Variants in PDE8A observed in about 807,000 individuals in gnomAD.
The protein encoded by PDE8A is phosphodiesterase 8A, also known as high affinity cAMP-specific and IBMX-insensitive 3',5'-cyclic phosphodiesterase 8A.
PDE8A carries 59 observed loss-of-function variants against 105.0 expected under a neutral mutation model. That is an observed-to-expected ratio of 0.56 (90% CI 0.46 to 0.70). The LOEUF (loss-of-function observed/expected upper bound fraction) is 0.70, where lower values mean the gene tolerates loss of function less well. PDE8A is among the 30% of genes least tolerant of loss of function. The probability of loss-of-function intolerance (pLI) is 0.00; values close to 1 mark genes in which losing one functional copy is unlikely to be tolerated. For synonymous variants in PDE8A, 355 were observed against 371.9 expected (o/e 0.95, Z 0.52); for missense variants, 1,014 against 1,045.9 (o/e 0.97, Z 0.42).
Position 85,126,195 on chromosome 15 carries a change from C to G in PDE8A, c.2086-12C>G. ...TCCATTTTGATTGCTTTGAATTCCA[C>G]TCATGTTTCAGGAAACTGATAAAAA... On this transcript the variant is annotated splice_polypyrimidine_tract_variant and intron_variant, in intron 19 of 21. Transcript: ENST00000394553. 6.3e-7 allele frequency: 1 copy of G among 1,598,490 alleles called. No individual in the cohort carries two copies. Among genetic ancestry groups the G allele is most frequent in the Non-Finnish European group, 8.5e-7 (1 of 1,170,570 alleles).
chr15:84,987,487 T>TTTTA (rs869129017), intron 1 of PDE8A, among the ~76,000 whole-genome samples: 1 of 149,662 alleles, frequency 6.7e-6, no homozygotes, highest in African/African-American at 2.5e-5. Context: ...TTTTTTTTTT[T>TTTTA]AAAGACAGTT....
At chr15:85,077,573 T>A (rs1234982774) in intron 5 of PDE8A, among the ~76,000 whole-genome samples, 1 of 152,136 alleles carries the variant, frequency 6.6e-6, no homozygotes, top group Middle Eastern at 3.2e-3. Context: ...AGGATCTCCA[T>A]AAATAATTGC....
rs1555461934 is a variant in PDE8A, at chr15:84,982,162, C to T, written c.-1C>T. On this transcript the variant is annotated 5_prime_UTR_variant, in exon 1 of 22. Transcript: ENST00000394553. ...AGCGTGTCCGCGGCGCCGCCGCCAG[C>T]ATGGGCTGTGCCCCGAGCATCCACA... is the stretch of plus-strand genomic sequence containing the variant. 1 of 1,410,536 alleles carries T rather than the reference C, an allele frequency of 7.1e-7. No homozygotes were observed. Among genetic ancestry groups the T allele is most frequent in the Non-Finnish European group, 9.2e-7 (1 of 1,085,674 alleles). 87.4% of individuals were successfully genotyped at this position (1,410,536 alleles called of 1,614,324 possible). A position where few individuals can be genotyped will look rare whatever the true frequency, so the allele number is the denominator to read the frequency against.
At chr15:85,081,558 G>A (rs748031318) in intron 5 of PDE8A, among the ~76,000 whole-genome samples, 2 of 152,132 alleles carry the variant, frequency 1.3e-5, no homozygotes, top group Non-Finnish European at 2.9e-5. Context: ...AGCCCCTTTC[G>A]TGGAAGAAGG....
In PDE8A at chr15:85,126,956, T is replaced by C. The variant is rs544024583; in HGVS notation, c.2253+582T>C. Among the ~76,000 whole-genome samples, 144 of 152,314 alleles carry C rather than the reference T, an allele frequency of 9.5e-4. 1 individual carries two copies. The highest frequency in any genetic ancestry group is 3.3e-3 in the African/African-American group (139 of 41,548). On this transcript the variant is annotated intron_variant, in intron 20 of 21. Transcript: ENST00000394553. ...AGACACGGGAACATCTTTAAAGTGC[T>C]GTTAGCTTTGGGAGGATCACTTGAG...
chr15:85,104,372 G>A (rs945964670), intron 11 of PDE8A, among the ~76,000 whole-genome samples: 91 of 152,268 alleles, frequency 6.0e-4, no homozygotes, highest in African/African-American at 2.0e-3. Flanking sequence ...AAGGCATCGC[G>A]AAGCGAGGCT....
chr15:85,123,921 C>T (rs1050057360), intron 19 of PDE8A, among the ~76,000 whole-genome samples: 1 of 152,162 alleles, frequency 6.6e-6, no homozygotes, highest in Non-Finnish European at 1.5e-5. Context: ...ATTCCTGCAC[C>T]CTTCCTCACT....
rs901517393 is a variant in PDE8A, at chr15:85,038,251, G to T, written c.187-26119G>T. 4.2e-4 allele frequency among the ~76,000 whole-genome samples: 62 copies of T among 149,020 alleles called. 1 individual carries two copies. Among genetic ancestry groups the T allele is most frequent in the Non-Finnish European group, 7.4e-4 (50 of 67,344 alleles). On this transcript the variant is annotated intron_variant, in intron 1 of 21. Transcript: ENST00000394553. Reference sequence around the variant, plus strand: ...TGTGTGTGTGTGTGTGTGTGTGTGTGTGTTTTACTAATCTGCAGGCATTCT... The same window carrying T: ...TGTGTGTGTGTGTGTGTGTGTGTGTTTGTTTTACTAATCTGCAGGCATTCT...
Position 84,990,420 on chromosome 15 carries a change from C to G in PDE8A, c.186+8072C>G, listed in dbSNP as rs533864847. On this transcript the variant is annotated intron_variant, in intron 1 of 21. Transcript: ENST00000394553. ...CCCCCAGCCACCAGCAACCACTGTT[C>G]TGAATTTTTTCCATTATAAATTATT... Among the ~76,000 whole-genome samples the G allele has an allele frequency of 2.0e-5, 3 of 152,232 alleles. No homozygotes were observed. The South Asian group carries it at 6.2e-4, about 32-fold the overall frequency.
At chr15:85,101,693 T>G (rs1170016373) in intron 11 of PDE8A, among the ~76,000 whole-genome samples, 1 of 152,062 alleles carries the variant, frequency 6.6e-6, no homozygotes, top group African/African-American at 2.4e-5. Flanking sequence ...ATTGCCATGG[T>G]CGAGAGGAAA....
chr15:85,040,186 T>C (rs570753333), intron 1 of PDE8A, among the ~76,000 whole-genome samples: 3 of 152,202 alleles, frequency 2.0e-5, no homozygotes, highest in South Asian at 2.1e-4. Flanking sequence ...TGTGCGCCTA[T>C]AGTCCTAGCT....
intron 11 of PDE8A, among the ~76,000 whole-genome samples, chr15:85,105,581 G>T (rs2141580103): frequency 6.6e-6 from 1 of 152,178 alleles, no homozygotes; most frequent in African/African-American, 2.4e-5. Flanking sequence ...TTTTTCCAGG[G>T]TTTCCTGGAT....
rs2082454138 is a variant in PDE8A, at chr15:85,138,738, C to T, written c.*835C>T. On this transcript the variant is annotated 3_prime_UTR_variant, in exon 22 of 22. Coordinates refer to ENST00000394553, the MANE Select transcript of PDE8A (RefSeq NM_002605.3). ...CCCAGGGCTCTGAAACAGCTCTAGC[C>T]GCCTAATGCACTTCACAGGTAACTC... 1 of 152,162 alleles carries T rather than the reference C, an allele frequency of 6.6e-6. No individual in the cohort carries two copies. Among genetic ancestry groups the T allele is most frequent in the Non-Finnish European group, 1.5e-5 (1 of 68,034 alleles). 9.4% of individuals were successfully genotyped at this position (152,162 alleles called of 1,614,324 possible). A position where few individuals can be genotyped will look rare whatever the true frequency, so the allele number is the denominator to read the frequency against.
chr15:85,115,459 A>C lies in PDE8A; in HGVS notation c.1371A>C (p.Ser457=). Reference sequence around the variant, plus strand: ...ATCAGGATGGTTTGCGAAGACTATCAGGGAATGAATATGTTCTTTCAACAA... The same window carrying C: ...ATCAGGATGGTTTGCGAAGACTATCCGGGAATGAATATGTTCTTTCAACAA... ...GLMSDGLRRL[S]GNEYVLSTKN... is the part of the protein sequence containing the mutation. Residue 457 remains serine, a synonymous_variant, in exon 15 of 22, where the codon TCA becomes TCC. Transcript: ENST00000394553. 2.6e-6 allele frequency: 4 copies of C among 1,543,084 alleles called. No homozygotes were observed. The highest frequency in any genetic ancestry group is 3.5e-6 in the Non-Finnish European group (4 of 1,144,760).
At chr15:85,104,786 C>T (rs2081922537) in intron 11 of PDE8A, among the ~76,000 whole-genome samples, 1 of 152,084 alleles carries the variant, frequency 6.6e-6, no homozygotes, top group Non-Finnish European at 1.5e-5. Flanking sequence ...TGGCCCTGGG[C>T]CAACTATTCT....
At chr15:85,091,288 GC>G (rs2081639338) in intron 8 of PDE8A, 107 bp downstream of exon 8, 1 of 993,182 alleles carries the variant, frequency 1.0e-6, no homozygotes, top group African/African-American at 1.6e-5. Context: ...CCTCCCAGCA[GC>G]CCAGGGAAGT....
In PDE8A at chr15:85,125,570, C is replaced by CCTGAG. The variant is rs1471521474; in HGVS notation, c.2086-636_2086-632dup. On this transcript the variant is annotated intron_variant, in intron 19 of 21. Coordinates refer to ENST00000394553, the MANE Select transcript of PDE8A (RefSeq NM_002605.3). ...TGCTTTGGACAAGTCACTTCACCTCCCTGAGTCTCAGTGTCCTCATTTGTA... is the reference window on the plus strand; with the variant it reads ...TGCTTTGGACAAGTCACTTCACCTCCCTGAGCTGAGTCTCAGTGTCCTCATTTGTA... 3.9e-5 allele frequency among the ~76,000 whole-genome samples: 6 copies of CCTGAG among 152,162 alleles called. No homozygotes were observed. In the East Asian group the frequency reaches 1.2e-3, roughly 29 times the overall value.
At chr15:84,995,581 A>G (rs1195398250) in intron 1 of PDE8A, among the ~76,000 whole-genome samples, 1 of 152,166 alleles carries the variant, frequency 6.6e-6, no homozygotes, top group Non-Finnish European at 1.5e-5. Context: ...TCAGCTTCCC[A>G]AAGTGTTGGG....
intron 2 of PDE8A, among the ~76,000 whole-genome samples, chr15:85,066,610 A>ACATG (rs996857388): frequency 2.4e-5 from 2 of 81,724 alleles, no homozygotes; most frequent in African/African-American, 2.5e-4. Flanking sequence ...ACACACACAC[A>ACATG]CACACACACA....
Sources: allele counts gnomAD v4.1 joint callset (sites outside exome capture counted in the v4.1 genomes callset), GRCh38; gene constraint gnomAD v4.1.1; transcripts MANE v1.5; gene names NCBI Gene and HGNC (gene_info 2026-07-23, HGNC 2026-07-21).